Variants in SLC25A21 observed in about 807,000 individuals in gnomAD.
The protein encoded by SLC25A21 is mitochondrial 2-oxodicarboxylate carrier.
A neutral mutation model predicts 43.8 loss-of-function variants in SLC25A21; 47 were observed. The observed-to-expected ratio is 1.07, with a 90% CI of 0.85 to 1.37. SLC25A21 has a LOEUF of 1.37. SLC25A21 is among the 40% of genes most tolerant of loss of function. SLC25A21 has a pLI of 0.00. For missense variants in SLC25A21, 352 were observed against 350.2 expected (o/e 1.00, Z -0.04); for synonymous variants, 131 against 121.3 (o/e 1.08, Z -0.52).
chr14:36,995,115 G>C (rs72667354), intron 1 of SLC25A21, among the ~76,000 whole-genome samples: 1 of 151,976 alleles, frequency 6.6e-6, no homozygotes, highest in Non-Finnish European at 1.5e-5. Flanking sequence ...ATGATGTCTC[G>C]TTATACCTCT....
At chr14:37,110,925 GA>G (rs1011291313) in intron 1 of SLC25A21, among the ~76,000 whole-genome samples, 4 of 150,094 alleles carry the variant, frequency 2.7e-5, no homozygotes, top group Admixed American at 6.6e-5. Flanking sequence ...AAAAGAGGAG[GA>G]AAAAAATACT....
intron 2 of SLC25A21, among the ~76,000 whole-genome samples, chr14:36,825,452 G>C (rs1338696035): frequency 6.6e-6 from 1 of 152,156 alleles, no homozygotes. Context: ...ATCCGACCTA[G>C]TAGCAGGCCC....
Position 36,679,804 on chromosome 14 carries a change from G to A in SLC25A21, c.*854C>T, listed in dbSNP as rs912202758. On this transcript the variant is annotated 3_prime_UTR_variant, in exon 10 of 10. Coordinates refer to ENST00000331299, the MANE Select transcript of SLC25A21 (RefSeq NM_030631.4). ...CTGATGGCTGACAAATGGGTCCAAA[G>A]GTGTTTCCAATTTGTGATTTAACAT... The A allele has an allele frequency of 1.0e-6, 1 of 985,030 alleles. No individual in the cohort carries two copies. The highest frequency in any genetic ancestry group is 1.7e-5 in the African/African-American group (1 of 57,200). The allele number at this position is 985,030 out of a possible 1,614,324, so 61.0% of individuals were successfully genotyped here.
Position 37,004,898 on chromosome 14 carries a change from G to A in SLC25A21, c.71-129894C>T, listed in dbSNP as rs574896062. ...CCTATTTTTGCCCTCTTACCAGAAG[G>A]AGGAATAAGAAGAATGGCAGGGAAG... On this transcript the variant is annotated intron_variant, in intron 1 of 9. Coordinates refer to ENST00000331299, the MANE Select transcript of SLC25A21 (RefSeq NM_030631.4). 3.3e-5 allele frequency among the ~76,000 whole-genome samples: 5 copies of A among 151,420 alleles called. No individual in the cohort carries two copies. The East Asian group carries it at 9.7e-4, about 29-fold the overall frequency.
intron 3 of SLC25A21, among the ~76,000 whole-genome samples, chr14:36,761,811 A>G (rs529265453): frequency 1.3e-5 from 2 of 152,322 alleles, no homozygotes; most frequent in African/African-American, 4.8e-5. Context: ...CAGATTGGCT[A>G]ATTTTGAGGA....
At chr14:37,124,256 A>G (rs1485288679) in intron 1 of SLC25A21, among the ~76,000 whole-genome samples, 3 of 152,128 alleles carry the variant, frequency 2.0e-5, no homozygotes, top group African/African-American at 7.2e-5. Context: ...TGGTTTTAAA[A>G]TAAAGAAAAA....
intron 2 of SLC25A21, among the ~76,000 whole-genome samples, chr14:36,864,284 C>T (rs1206367816): frequency 6.6e-6 from 1 of 152,184 alleles, no homozygotes; most frequent in African/African-American, 2.4e-5. Flanking sequence ...CATTTTAAAG[C>T]ACATATTAAT....
In SLC25A21 at chr14:36,680,324, A is replaced by C. The variant is rs1882169471; in HGVS notation, c.*334T>G. 2 of 1,005,180 alleles carry C rather than the reference A, an allele frequency of 2.0e-6. No homozygotes were observed. Among genetic ancestry groups the C allele is most frequent in the Admixed American group, 5.9e-5 (1 of 16,918 alleles). 62.3% of individuals were successfully genotyped at this position (1,005,180 alleles called of 1,614,324 possible). On this transcript the variant is annotated 3_prime_UTR_variant, in exon 10 of 10. Transcript: ENST00000331299. ...AGGAAAAATGCTGATCAATACAATG[A>C]ATTTTCATTGTGAAGCATTGAAGAG...
chr14:37,020,119 C>T (rs138480044), intron 1 of SLC25A21, among the ~76,000 whole-genome samples: 1,613 of 151,764 alleles, frequency 0.011, 11 homozygotes, highest in African/African-American at 0.026. Flanking sequence ...TTTAAGAATG[C>T]CAGCTAATTT....
intron 1 of SLC25A21, among the ~76,000 whole-genome samples, chr14:36,902,073 TTG>T (rs1891412473): frequency 1.3e-5 from 2 of 152,242 alleles, no homozygotes; most frequent in Admixed American, 6.5e-5. Context: ...ACTCTGTACC[TTG>T]TGTAAGTTAC....
chr14:36,696,409 GATGCTGGCCTCATAAA>G (rs1271150833), intron 7 of SLC25A21, among the ~76,000 whole-genome samples: 1 of 152,182 alleles, frequency 6.6e-6, no homozygotes, highest in African/African-American at 2.4e-5. Context: ...GTATCAGGAT[GATGCTGGCCTCATAAA>G]ATGCGTTAGG....
chr14:36,948,840 A>G (rs1045900756), intron 1 of SLC25A21, among the ~76,000 whole-genome samples: 1 of 152,146 alleles, frequency 6.6e-6, no homozygotes, highest in Non-Finnish European at 1.5e-5. Context: ...AATTATGTTA[A>G]ATAAAATGTA....
chr14:36,701,964 A>C (rs527735005), intron 7 of SLC25A21, among the ~76,000 whole-genome samples: 1 of 152,314 alleles, frequency 6.6e-6, no homozygotes, highest in East Asian at 1.9e-4. Flanking sequence ...ATCAAGAAGA[A>C]GTCTTTGAAC....
chr14:36,764,195 A>AAAGAAAGAAG (rs1886310583), intron 3 of SLC25A21, among the ~76,000 whole-genome samples: 9 of 149,252 alleles, frequency 6.0e-5, no homozygotes, highest in Admixed American at 2.7e-4. Context: ...AAAGAAAGAG[A>AAAGAAAGAAG]AAGAAAGAAA....
At chr14:36,703,605 T>G (rs903331406) in intron 7 of SLC25A21, among the ~76,000 whole-genome samples, 3 of 152,342 alleles carry the variant, frequency 2.0e-5, no homozygotes, top group African/African-American at 7.2e-5. Context: ...CAAACATCCT[T>G]AATTAGGATG....
At chr14:36,946,729 T>C (rs1892687919) in intron 1 of SLC25A21, among the ~76,000 whole-genome samples, 1 of 152,204 alleles carries the variant, frequency 6.6e-6, no homozygotes, top group African/African-American at 2.4e-5. Context: ...ATGTCCAGCC[T>C]AGCAGTTCAG....
intron 2 of SLC25A21, among the ~76,000 whole-genome samples, chr14:36,837,244 G>C (rs751445484): frequency 5.9e-5 from 9 of 152,168 alleles, no homozygotes; most frequent in Non-Finnish European, 8.8e-5. Flanking sequence ...AGAACACTGA[G>C]CTGGGGCTAA....
At chr14:36,775,762 A>G (rs1886797512) in intron 3 of SLC25A21, among the ~76,000 whole-genome samples, 1 of 152,186 alleles carries the variant, frequency 6.6e-6, no homozygotes, top group Admixed American at 6.5e-5. Context: ...CCAGTTGCCT[A>G]CATTTAATGA....
chr14:36,698,512 C>T (rs1218839855), intron 7 of SLC25A21, among the ~76,000 whole-genome samples: 1 of 152,300 alleles, frequency 6.6e-6, no homozygotes, highest in Non-Finnish European at 1.5e-5. Flanking sequence ...GAGTGTTTTC[C>T]AACTTGGTTC....
Sources: allele counts gnomAD v4.1 joint callset (sites outside exome capture counted in the v4.1 genomes callset), GRCh38; gene constraint gnomAD v4.1.1; transcripts MANE v1.5; gene names NCBI Gene and HGNC (gene_info 2026-07-23, HGNC 2026-07-21).